The following TNS1 variants were observed in gnomAD, a reference collection of about 807,000 sequenced individuals.
TNS1 encodes the protein tensin 1, also known as tensin-1.
A neutral mutation model predicts 168.6 loss-of-function variants in TNS1; 62 were observed. The observed-to-expected ratio is 0.37, with a 90% CI of 0.30 to 0.45. The LOEUF (loss-of-function observed/expected upper bound fraction) is 0.45. Among genes scored for constraint, TNS1 ranks in the 20% least tolerant of loss-of-function variants. The pLI is 1.00. For missense variants in TNS1, 2,240 were observed against 2,339.4 expected (o/e 0.96, Z 0.88); for synonymous variants, 934 against 933.2 (o/e 1.00, Z -0.02).
intron 6 of TNS1, chr2:217,903,526 C>A (rs1227531805): frequency 1.3e-6 from 2 of 1,495,436 alleles, no homozygotes; most frequent in African/African-American, 2.8e-5. Flanking sequence ...CTTCCTGGCT[C>A]CTCTCAAGAC....
At chr2:217,983,038 A>G (rs1476450477) in intron 2 of TNS1, among the ~76,000 whole-genome samples, 1 of 152,158 alleles carries the variant, frequency 6.6e-6, no homozygotes, top group East Asian at 1.9e-4. Flanking sequence ...GAAAGGGGAA[A>G]AACCCAGGTT....
chr2:217,984,345 C>T (rs1026155849), intron 2 of TNS1, among the ~76,000 whole-genome samples: 1 of 152,090 alleles, frequency 6.6e-6, no homozygotes, highest in Non-Finnish European at 1.5e-5. Flanking sequence ...CTGCAGGCTG[C>T]AGGCCACATG....
chr2:218,013,481 G>A (rs1958727582), upstream of TNS1, among the ~76,000 whole-genome samples: 1 of 152,180 alleles, frequency 6.6e-6, no homozygotes, highest in African/African-American at 2.4e-5. Context: ...CAGATCACAT[G>A]AAGAGATCTC....
chr2:217,830,530 G>A, intron 22 of TNS1: 1 of 1,026,194 alleles, frequency 9.7e-7, no homozygotes, highest in South Asian at 1.6e-5. Context: ...CCATAAGAAG[G>A]AGAGGAGCTG....
At chr2:217,898,086 T>G in intron 7 of TNS1, 117 bp from the exon 8 acceptor site, 3 of 1,221,886 alleles carry the variant, frequency 2.5e-6, no homozygotes, top group Non-Finnish European at 3.2e-6. Flanking sequence ...CCAGGGTGCT[T>G]GGCTGCTCTT....
chr2:217,832,955 T>C (rs1006473406), intron 21 of TNS1, among the ~76,000 whole-genome samples: 6 of 151,872 alleles, frequency 4.0e-5, no homozygotes, highest in Admixed American at 3.3e-4. Flanking sequence ...CACACACACA[T>C]AGACACACAC....
At chr2:218,004,266 C>G (rs962166224), upstream of TNS1, among the ~76,000 whole-genome samples, 8 of 152,228 alleles carry the variant, frequency 5.3e-5, no homozygotes, top group Non-Finnish European at 8.8e-5. Flanking sequence ...CGTTCCTAGA[C>G]TGAGTCACTT....
Position 217,935,877 on chromosome 2 carries a change from G to T in TNS1, c.187-15641C>A, listed in dbSNP as rs1322907091. 2.0e-5 allele frequency among the ~76,000 whole-genome samples: 3 copies of T among 152,294 alleles called. No homozygotes were observed. The East Asian group carries it at 5.8e-4, about 29-fold the overall frequency. Reference sequence around the variant, plus strand: ...TAAGTTGTTCATAGTCATATAGCCTGCAAGAGATGGGGTCAGGATTCACAT... The same window carrying T: ...TAAGTTGTTCATAGTCATATAGCCTTCAAGAGATGGGGTCAGGATTCACAT... On this transcript the variant is annotated intron_variant, in intron 3 of 32. Coordinates refer to ENST00000682258, the MANE Select transcript of TNS1 (RefSeq NM_001387777.1).
chr2:217,897,804 G>T lies in TNS1; in HGVS notation c.537C>A (p.Asn179Lys). The change falls in exon 8 of 33, where the codon AAC (asparagine) becomes AAA (lysine). Residue 179 changes from asparagine to lysine, a missense_variant. Physicochemically the swap from Asn to Lys is moderately conservative, Grantham distance 94. Around this residue, in one of 2 missense-constraint regions of TNS1, gnomAD observed 2,131 missense variants for 2,171.2 expected, o/e 0.98. Coordinates refer to ENST00000682258, the MANE Select transcript of TNS1 (RefSeq NM_001387777.1). ...AQMLKSKHGG[N>K]YLLFNLSERR... ...CACGAGGATCCATCCTCACCAGGTA[G>T]TTGCCTCCATGTTTGGACTTGAGCA... is the stretch of plus-strand genomic sequence containing the variant. The T allele has an allele frequency of 6.2e-7, 1 of 1,600,128 alleles. No individual in the cohort carries two copies. The highest frequency in any genetic ancestry group is 8.5e-7 in the Non-Finnish European group (1 of 1,173,118).
At chr2:217,829,469 T>C (rs6744219) in intron 22 of TNS1, among the ~76,000 whole-genome samples, 69,986 of 152,110 alleles carry the variant, frequency 0.46, 16,128 homozygotes, top group Admixed American at 0.49. Context: ...GTGGAGCACG[T>C]CCCGGGAAAG....
In TNS1 at chr2:217,848,340, G is replaced by T; in HGVS notation, c.2177C>A (p.Pro726Gln). The T allele has an allele frequency of 1.3e-6, 2 of 1,539,564 alleles. No individual in the cohort carries two copies. The highest frequency in any genetic ancestry group is 1.8e-6 in the Non-Finnish European group (2 of 1,141,300). ...YQREGPHPAW[P>Q]QPVTTSHYAH... ...ATAGTGGGAGGTGGTCACTGGCTGT[G>T]GCCAGGCTGGGTGGGGCCCCTCCCT... The change falls in exon 19 of 33, where the codon CCA (proline) becomes CAA (glutamine). Residue 726 changes from proline (P) to glutamine (Q), a missense_variant. Transcript: ENST00000682258.
intron 22 of TNS1, chr2:217,829,901 A>C (rs760176803): frequency 5.3e-5 from 86 of 1,613,390 alleles, no homozygotes; most frequent in Non-Finnish European, 7.2e-5. Flanking sequence ...AGACGAGAAG[A>C]GAGGTGGGAG....
At chr2:217,825,972 C>A (rs1943560418) in intron 22 of TNS1, among the ~76,000 whole-genome samples, 1 of 152,144 alleles carries the variant, frequency 6.6e-6, no homozygotes. Context: ...CCATTCTGAC[C>A]ACAATGTTGG....
intron 18 of TNS1, among the ~76,000 whole-genome samples, chr2:217,866,844 G>A (rs907033508): frequency 6.6e-6 from 1 of 152,144 alleles, no homozygotes; most frequent in Non-Finnish European, 1.5e-5. Context: ...CACAGCATTG[G>A]GCAGAGCTGG....
At chr2:217,941,310 G>A (rs1212581499) in intron 3 of TNS1, among the ~76,000 whole-genome samples, 1 of 152,242 alleles carries the variant, frequency 6.6e-6, no homozygotes, top group Non-Finnish European at 1.5e-5. Context: ...TGCAGGGATT[G>A]GGGGTGAAGC....
chr2:217,883,901 T>C (rs1950917831), intron 16 of TNS1, among the ~76,000 whole-genome samples: 1 of 152,186 alleles, frequency 6.6e-6, no homozygotes. Flanking sequence ...CACTGCCCAC[T>C]GCATGTAGGA....
chr2:217,919,213 G>A (rs929177686), intron 4 of TNS1, among the ~76,000 whole-genome samples: 5 of 152,240 alleles, frequency 3.3e-5, no homozygotes. Flanking sequence ...ACAGCAAGTG[G>A]ATATTGATGA....
At chr2:217,835,948 G>T (rs528692317) in intron 20 of TNS1, 67 bp downstream of exon 20, 1 of 1,418,006 alleles carries the variant, frequency 7.1e-7, no homozygotes, top group African/African-American at 1.4e-5. Flanking sequence ...TTGACCATCA[G>T]GTTTCTGGAG....
At chr2:217,866,834 C>T (rs929694380) in intron 18 of TNS1, among the ~76,000 whole-genome samples, 1 of 152,164 alleles carries the variant, frequency 6.6e-6, no homozygotes, top group Non-Finnish European at 1.5e-5. Context: ...AGGACACAGG[C>T]ACAGCATTGG....
Sources: allele counts gnomAD v4.1 joint callset (sites outside exome capture counted in the v4.1 genomes callset), GRCh38; gene constraint gnomAD v4.1.1; regional missense constraint gnomAD v4.1.1; transcripts MANE v1.5; gene names NCBI Gene and HGNC (gene_info 2026-07-23, HGNC 2026-07-21).